CYS1: variants seen among roughly 807,000 people sequenced by gnomAD.
CYS1 encodes cystin-1.
CYS1 carries 5 observed loss-of-function variants against 9.6 expected under a neutral mutation model. The observed-to-expected ratio is 0.52, with a 90% confidence interval of 0.27 to 1.10. The LOEUF is 1.10. Among genes scored for constraint, CYS1 ranks in the 50% least tolerant of loss-of-function variants. The pLI is 0.11. For missense variants in CYS1, 221 were observed against 207.9 expected, an observed-to-expected ratio of 1.06 and a Z score of -0.39; for synonymous variants, 88 against 95.7, an observed-to-expected ratio of 0.92 and a Z score of 0.47.
chr2:10,064,636 G>A (rs1437572588), intron 2 of CYS1, among the ~76,000 whole-genome samples: 1 of 152,050 alleles, frequency 6.6e-6, no homozygotes, highest in Non-Finnish European at 1.5e-5. Context: ...TCCACACAGT[G>A]TCCCAGGAGC....
Position 10,069,800 on chromosome 2 carries a change from G to T in CYS1, c.319-3844C>A, listed in dbSNP as rs1661741444. 2.0e-5 allele frequency among the ~76,000 whole-genome samples: 3 copies of T among 152,344 alleles called. No homozygotes were observed. In the South Asian group the frequency reaches 6.2e-4, roughly 32 times the overall value. On this transcript the variant is annotated intron_variant, in intron 1 of 2. Transcript: ENST00000381813. ...AGAAAGCAACCTGTCAGTGTCCAAA[G>T]TTCCCATGACATAAATTGAGCGATC...
chr2:10,068,162 AT>A (rs1661720468), intron 1 of CYS1, among the ~76,000 whole-genome samples: 1 of 151,984 alleles, frequency 6.6e-6, no homozygotes, highest in Non-Finnish European at 1.5e-5. Context: ...TATATTTTCC[AT>A]TTCCAGATGT....
chr2:10,070,324 A>G (rs1572458387), intron 1 of CYS1, among the ~76,000 whole-genome samples: 1 of 152,082 alleles, frequency 6.6e-6, no homozygotes, highest in Admixed American at 6.6e-5. Flanking sequence ...CCCCGTGCTG[A>G]GATGGAGAAC....
intron 1 of CYS1, among the ~76,000 whole-genome samples, chr2:10,075,780 G>A (rs139249255): frequency 3.3e-5 from 5 of 152,222 alleles, no homozygotes; most frequent in African/African-American, 9.7e-5. Context: ...TATTGCCCGA[G>A]ACTCTCTTGC....
intron 1 of CYS1, among the ~76,000 whole-genome samples, chr2:10,066,510 C>G (rs187541700): frequency 4.6e-5 from 7 of 152,374 alleles, no homozygotes; most frequent in Non-Finnish European, 1.0e-4. Context: ...CAGGACGTGT[C>G]TACACAGCAT....
At chr2:10,073,409 C>T (rs777591796) in intron 1 of CYS1, among the ~76,000 whole-genome samples, 3 of 152,088 alleles carry the variant, frequency 2.0e-5, no homozygotes, top group Non-Finnish European at 4.4e-5. Flanking sequence ...TGCAAACAGG[C>T]ACCCTCCCAC....
chr2:10,079,404 A>G (rs1371884580), intron 1 of CYS1, among the ~76,000 whole-genome samples: 3 of 152,244 alleles, frequency 2.0e-5, no homozygotes, highest in East Asian at 3.9e-4. Flanking sequence ...TTAGAACAGC[A>G]GGACTGTTAT....
chr2:10,075,655 G>C (rs943790972), intron 1 of CYS1, among the ~76,000 whole-genome samples: 1 of 152,180 alleles, frequency 6.6e-6, no homozygotes, highest in African/African-American at 2.4e-5. Flanking sequence ...TTACTGTAAA[G>C]TCCTGGCTGG....
At chr2:10,059,379 A>C (rs1056322196) in intron 2 of CYS1, among the ~76,000 whole-genome samples, 6 of 152,240 alleles carry the variant, frequency 3.9e-5, no homozygotes, top group Non-Finnish European at 8.8e-5. Context: ...GTGATGTGGA[A>C]TCGAGCACAC....
rs967752406 is a variant in CYS1, at chr2:10,059,022, C to T, written c.372-64G>A. 2.4e-5 allele frequency: 34 copies of T among 1,446,764 alleles called. 1 individual carries two copies. The highest frequency in any genetic ancestry group is 2.8e-5 in the Non-Finnish European group (30 of 1,064,464). The allele number at this position is 1,446,764 out of a possible 1,614,324, so 89.6% of individuals were successfully genotyped here. ...GATGGTGCGTTCACACTCATTTCCC[C>T]TGGCCACCACAATGGCTCCTAGTGG... On this transcript the variant is annotated intron_variant, in intron 2 of 2. Transcript: ENST00000381813.
intron 1 of CYS1, among the ~76,000 whole-genome samples, chr2:10,068,442 C>G (rs1407387600): frequency 1.3e-5 from 2 of 152,218 alleles, no homozygotes; most frequent in Admixed American, 6.5e-5. Context: ...AGGCCTTCCT[C>G]CAGAGAGGGG....
chr2:10,065,110 TGCCCCTCCCGGGCTGGGCCTCAGACCCG>T (rs774572388), intron 2 of CYS1, among the ~76,000 whole-genome samples: 1 of 152,122 alleles, frequency 6.6e-6, no homozygotes, highest in Non-Finnish European at 1.5e-5. Flanking sequence ...CCCGAGACCA[TGCCCCTCCCGGGCTGGGCCTCAGACCCG>T]GCCCCTGCAC....
At chr2:10,065,384 A>G (rs1661682063) in intron 2 of CYS1, among the ~76,000 whole-genome samples, 1 of 152,218 alleles carries the variant, frequency 6.6e-6, no homozygotes, top group East Asian at 1.9e-4. Flanking sequence ...GTGGAAAGAC[A>G]TCCCTGGAGC....
chr2:10,064,752 C>G (rs1271333216), intron 2 of CYS1, among the ~76,000 whole-genome samples: 2 of 151,970 alleles, frequency 1.3e-5, no homozygotes, highest in Non-Finnish European at 2.9e-5. Flanking sequence ...GAGTCTCCCT[C>G]TGTCACCCAG....
intron 2 of CYS1, among the ~76,000 whole-genome samples, chr2:10,059,544 A>G (rs1407931276): frequency 6.6e-6 from 1 of 152,090 alleles, no homozygotes; most frequent in East Asian, 1.9e-4. Flanking sequence ...TAAAAATACA[A>G]AAATTATCCG....
Position 10,063,209 on chromosome 2 carries a change from C to T in CYS1, c.371+2695G>A, listed in dbSNP as rs1395183371. On this transcript the variant is annotated intron_variant, in intron 2 of 2. Coordinates refer to ENST00000381813, the MANE Select transcript of CYS1 (RefSeq NM_001037160.3). The surrounding 1 kb of genome is among the most constrained non-coding windows in gnomAD (Gnocchi z 4.2). ...GAGCTATGAGGGCCCAGAGGCGAAT[C>T]TGATTCCTTCTGTGATGAGGCCTGG... Among the ~76,000 whole-genome samples the T allele has an allele frequency of 1.3e-5, 2 of 152,192 alleles. No individual in the cohort carries two copies. The highest frequency in any genetic ancestry group is 2.9e-5 in the Non-Finnish European group (2 of 68,024).
chr2:10,077,456 C>T (rs1464296833), intron 1 of CYS1, among the ~76,000 whole-genome samples: 1 of 152,188 alleles, frequency 6.6e-6, no homozygotes, highest in Non-Finnish European at 1.5e-5. Context: ...AAGAATATGT[C>T]TCTCCTCCAA....
At chr2:10,077,223 C>G (rs949216260) in intron 1 of CYS1, among the ~76,000 whole-genome samples, 4 of 152,122 alleles carry the variant, frequency 2.6e-5, no homozygotes, top group Non-Finnish European at 4.4e-5. Context: ...TCCCCTCCCC[C>G]AGCACAACCC....
At chr2:10,078,423 G>A (rs374753833) in intron 1 of CYS1, among the ~76,000 whole-genome samples, 13 of 152,206 alleles carry the variant, frequency 8.5e-5, no homozygotes, top group Admixed American at 5.2e-4. Flanking sequence ...ACCCAAACTC[G>A]CTAACATGGA....
Sources: allele counts gnomAD v4.1 joint callset (sites outside exome capture counted in the v4.1 genomes callset), GRCh38; gene constraint gnomAD v4.1.1; non-coding constraint Gnocchi (gnomAD v3.1); transcripts MANE v1.5; gene names NCBI Gene and HGNC (gene_info 2026-07-23, HGNC 2026-07-21).